The following HTR4 variants were observed in gnomAD, a reference collection of about 807,000 sequenced individuals.
HTR4 encodes the protein 5-hydroxytryptamine receptor 4, also known as 5-hydroxytryptamine (serotonin) receptor 4, G protein-coupled.
Under a neutral mutation model 36.8 loss-of-function variants are expected in HTR4, and 16 were observed. That is an observed-to-expected ratio of 0.43 (90% CI 0.29 to 0.66). The LOEUF is 0.66. Among genes scored for constraint, HTR4 ranks in the 30% least tolerant of loss-of-function variants. The probability of loss-of-function intolerance (pLI) is 0.13; values close to 1 mark genes in which losing one functional copy is unlikely to be tolerated. For missense variants in HTR4, 438 were observed against 490.9 expected (o/e 0.89, Z 1.02); for synonymous variants, 189 against 185.1 (o/e 1.02, Z -0.17).
intron 1 of HTR4, among the ~76,000 whole-genome samples, chr5:148,640,288 C>T (rs1475971710): frequency 6.6e-6 from 1 of 152,248 alleles, no homozygotes; most frequent in African/African-American, 2.4e-5. Context: ...ATTTTCCTTA[C>T]TGGAACCACC....
rs144316481 is a variant in HTR4 at position 148,484,289 on chromosome 5, T to C, written c.1077-996A>G. On this transcript the variant is annotated intron_variant, in intron 6 of 6. Coordinates refer to ENST00000377888, the MANE Select transcript of HTR4 (RefSeq NM_000870.7). The stretch of plus-strand genomic sequence containing the variant: ...AGACAGGCTTCCTTGCAGTCAAACA[T>C]CTAATGCTCAATGTGCCTGAGAATG... The C allele has an allele frequency of 7.2e-4, 1,158 of 1,613,718 alleles. 15 individuals carry two copies. In the African/African-American group the frequency reaches 0.014, roughly 20 times the overall value.
At chr5:148,614,819 T>G (rs1581548984) in intron 2 of HTR4, among the ~76,000 whole-genome samples, 1 of 152,102 alleles carries the variant, frequency 6.6e-6, no homozygotes, top group African/African-American at 2.4e-5. Flanking sequence ...TACAATGAAT[T>G]CAAACAAATT....
At chr5:148,454,966 T>G (rs963445642) in intron 5 of HTR4, among the ~76,000 whole-genome samples, 1 of 152,164 alleles carries the variant, frequency 6.6e-6, no homozygotes, top group African/African-American at 2.4e-5. Context: ...CTTTAGTATC[T>G]GAGGTGCAGG....
At chr5:148,633,831 T>C (rs1329629236) in intron 2 of HTR4, among the ~76,000 whole-genome samples, 1 of 152,158 alleles carries the variant, frequency 6.6e-6, no homozygotes, top group Admixed American at 6.6e-5. Flanking sequence ...TTTCTAACTT[T>C]CCTGGAACTC....
downstream of HTR4, chr5:148,476,815 G>A: frequency 6.2e-7 from 1 of 1,607,386 alleles, no homozygotes. Flanking sequence ...TGTCACAGGA[G>A]AAGAACAAAT....
chr5:148,607,774 G>A (rs1752241469), intron 2 of HTR4, among the ~76,000 whole-genome samples: 1 of 152,140 alleles, frequency 6.6e-6, no homozygotes, highest in African/African-American at 2.4e-5. Context: ...TGTCCCACTG[G>A]ATTTCAATAG....
intron 2 of HTR4, among the ~76,000 whole-genome samples, chr5:148,632,643 T>C (rs983675259): frequency 1.3e-5 from 2 of 152,210 alleles, no homozygotes; most frequent in African/African-American, 4.8e-5. Flanking sequence ...TTCCTTCACC[T>C]GTTTATCTCC....
chr5:148,482,800 T>C lies in HTR4; in HGVS notation c.*403A>G. 1 of 1,048,660 alleles carries C rather than the reference T, an allele frequency of 9.5e-7. No homozygotes were observed. Among genetic ancestry groups the C allele is most frequent in the Non-Finnish European group, 1.2e-6 (1 of 866,162 alleles). The allele number at this position is 1,048,660 out of a possible 1,614,324, so 65.0% of individuals were successfully genotyped here. A position where few individuals can be genotyped will look rare whatever the true frequency, so the allele number is the denominator to read the frequency against. On this transcript the variant is annotated 3_prime_UTR_variant, in exon 7 of 7. Coordinates refer to ENST00000377888, the MANE Select transcript of HTR4 (RefSeq NM_000870.7). ...ACAGAGAGGGAGTATTTTGTTGATATCTGGAAGCCCACACAGCAAAGAAGG... is the reference window on the plus strand; with the variant it reads ...ACAGAGAGGGAGTATTTTGTTGATACCTGGAAGCCCACACAGCAAAGAAGG...
intron 6 of HTR4, among the ~76,000 whole-genome samples, chr5:148,503,600 C>T (rs903535151): frequency 2.8e-4 from 43 of 152,290 alleles, no homozygotes; most frequent in African/African-American, 9.6e-4. Flanking sequence ...AGCAAAATAA[C>T]CAGCTAACAT....
chr5:148,639,705 C>T (rs949020036), intron 1 of HTR4, among the ~76,000 whole-genome samples: 21 of 146,924 alleles, frequency 1.4e-4, no homozygotes, highest in African/African-American at 4.3e-4. Flanking sequence ...TTCAAGAGGG[C>T]GTAGGACACT....
chr5:148,601,524 G>C (rs1195222019), intron 2 of HTR4, among the ~76,000 whole-genome samples: 1 of 152,182 alleles, frequency 6.6e-6, no homozygotes, highest in Non-Finnish European at 1.5e-5. Flanking sequence ...AAGAGGGCCA[G>C]GTGTGGTGGC....
intron 5 of HTR4, among the ~76,000 whole-genome samples, chr5:148,467,197 G>A (rs1375613564): frequency 6.6e-6 from 1 of 152,194 alleles, no homozygotes; most frequent in Non-Finnish European, 1.5e-5. Flanking sequence ...AAGCGGTGTT[G>A]AATGTTCCTG....
chr5:148,638,255 C>A (rs1218032007), intron 1 of HTR4, among the ~76,000 whole-genome samples: 5 of 152,208 alleles, frequency 3.3e-5, no homozygotes, highest in Admixed American at 6.5e-5. Context: ...CTGGGGCAGG[C>A]ATGGGAAAGG....
At chr5:148,490,172 CATAT>C (rs1323999118) in intron 6 of HTR4, among the ~76,000 whole-genome samples, 2 of 147,208 alleles carry the variant, frequency 1.4e-5, no homozygotes, top group African/African-American at 2.5e-5. Context: ...TATACATATA[CATAT>C]ATATGTATGT....
chr5:148,481,994 G>C lies in HTR4; in HGVS notation c.*1209C>G. ...GCAGCATACTGTTGTCTTAGAAACA[G>C]AAAGAAAACTTAAAGGTCCTCTAGT... On this transcript the variant is annotated 3_prime_UTR_variant, in exon 7 of 7. Transcript: ENST00000377888. 9.9e-7 allele frequency: 1 copy of C among 1,006,932 alleles called. No homozygotes were observed. Among genetic ancestry groups the C allele is most frequent in the Non-Finnish European group, 1.2e-6 (1 of 844,468 alleles). 62.4% of individuals were successfully genotyped at this position (1,006,932 alleles called of 1,614,324 possible).
chr5:148,568,259 T>A (rs768703728), intron 2 of HTR4, among the ~76,000 whole-genome samples: 79 of 152,194 alleles, frequency 5.2e-4, no homozygotes, highest in Non-Finnish European at 9.9e-4. Context: ...TTGGCCACAC[T>A]AATCCCCATT....
downstream of HTR4, among the ~76,000 whole-genome samples, chr5:148,471,931 A>G (rs1755577200): frequency 2.0e-5 from 3 of 152,218 alleles, no homozygotes; most frequent in South Asian, 6.2e-4. Context: ...AGAAAAAGGG[A>G]AACACAAAAA....
At chr5:148,650,086 T>A (rs1267770741) in intron 1 of HTR4, among the ~76,000 whole-genome samples, 1 of 152,134 alleles carries the variant, frequency 6.6e-6, no homozygotes, top group Non-Finnish European at 1.5e-5. Flanking sequence ...ACATGAGATG[T>A]TTTCATACAG....
intron 2 of HTR4, among the ~76,000 whole-genome samples, chr5:148,621,046 A>G (rs528453629): frequency 3.9e-5 from 6 of 152,354 alleles, no homozygotes; most frequent in South Asian, 2.1e-4. Flanking sequence ...ATATCCATAA[A>G]TAGGAAAGGA....
Sources: gnomAD v4.1 joint callset for allele counts (sites outside exome capture counted in the v4.1 genomes callset) on GRCh38, gnomAD v4.1.1 for gene constraint, MANE v1.5 for transcripts, NCBI Gene and HGNC (gene_info 2026-07-23, HGNC 2026-07-21) for gene names.